The following FGD4 variants were observed in gnomAD, a reference collection of about 807,000 sequenced individuals.
The protein encoded by FGD4 is FYVE, RhoGEF and PH domain-containing protein 4.
In FGD4, 42 loss-of-function variants were observed where a neutral mutation model predicts 102.0. The observed-to-expected ratio is 0.41, with a 90% CI of 0.32 to 0.53. FGD4 has a LOEUF of 0.53. Among genes scored for constraint, FGD4 ranks in the 20% least tolerant of loss-of-function variants. The pLI, the probability that FGD4 is intolerant of heterozygous loss-of-function variation, is 0.21. For missense variants in FGD4, 902 were observed against 1,078.2 expected (o/e 0.84, Z 2.29); for synonymous variants, 380 against 375.7 (o/e 1.01, Z -0.13).
intron 1 of FGD4, among the ~76,000 whole-genome samples, chr12:32,429,916 G>A (rs578155240): frequency 4.6e-5 from 7 of 151,736 alleles, no homozygotes; most frequent in African/African-American, 1.7e-4. Flanking sequence ...CCTGCATCTT[G>A]TTGAAACGAG....
At chr12:32,598,693 G>T in intron 5 of FGD4, 107 bp downstream of exon 5, 1 of 905,916 alleles carries the variant, frequency 1.1e-6, no homozygotes, top group South Asian at 1.4e-5. Flanking sequence ...CCTGTTTTTG[G>T]CTAGTGAAAG....
intron 15 of FGD4, among the ~76,000 whole-genome samples, chr12:32,635,857 A>G (rs1478956118): frequency 6.6e-6 from 1 of 151,784 alleles, no homozygotes; most frequent in African/African-American, 2.4e-5. Flanking sequence ...TACTAAAAGT[A>G]CAAAAATTAG....
intron 1 of FGD4, among the ~76,000 whole-genome samples, chr12:32,516,577 A>G (rs1160255048): frequency 6.6e-6 from 1 of 152,226 alleles, no homozygotes; most frequent in Non-Finnish European, 1.5e-5. Context: ...TCTGTTGTAA[A>G]TATATATGCT....
At chr12:32,548,824 G>A (rs768943507) in intron 1 of FGD4, among the ~76,000 whole-genome samples, 2 of 152,220 alleles carry the variant, frequency 1.3e-5, no homozygotes, top group African/African-American at 2.4e-5. Flanking sequence ...CTCAAGGCTG[G>A]GAACATACGG....
At chr12:32,535,730 G>T (rs1428980594) in intron 1 of FGD4, among the ~76,000 whole-genome samples, 1 of 152,056 alleles carries the variant, frequency 6.6e-6, no homozygotes, top group Non-Finnish European at 1.5e-5. Context: ...AATAGCTTCT[G>T]TCCATTCTCA....
At chr12:32,571,257 C>G (rs1392571512) in intron 2 of FGD4, among the ~76,000 whole-genome samples, 1 of 152,072 alleles carries the variant, frequency 6.6e-6, no homozygotes, top group Non-Finnish European at 1.5e-5. Context: ...GAGTTTGAGG[C>G]CAACCTGGCC....
intron 2 of FGD4, among the ~76,000 whole-genome samples, chr12:32,566,484 C>T (rs1416415729): frequency 2.0e-5 from 3 of 152,072 alleles, no homozygotes; most frequent in Non-Finnish European, 1.5e-5. Flanking sequence ...CCTATGTGTC[C>T]GCTCACATAG....
chr12:32,494,538 T>C (rs1236066647), intron 1 of FGD4, among the ~76,000 whole-genome samples: 2 of 152,258 alleles, frequency 1.3e-5, no homozygotes, highest in Non-Finnish European at 2.9e-5. Flanking sequence ...TGTGCAGTAA[T>C]ACCTAAACAC....
At chr12:32,452,209 A>T (rs1942798047) in intron 1 of FGD4, among the ~76,000 whole-genome samples, 1 of 152,148 alleles carries the variant, frequency 6.6e-6, no homozygotes. Flanking sequence ...ATTATTTTTC[A>T]GTGATTTGGG....
At chr12:32,520,485 G>C (rs969890158) in intron 1 of FGD4, among the ~76,000 whole-genome samples, 4 of 146,344 alleles carry the variant, frequency 2.7e-5, no homozygotes, top group African/African-American at 7.4e-5. Context: ...GCCCAGGCTG[G>C]AGTGCAGTGG....
Position 32,638,403 on chromosome 12 carries a change from A to G in FGD4, c.2314-252A>G, listed in dbSNP as rs76880530. Among the ~76,000 whole-genome samples, 2,099 of 152,298 alleles carry G rather than the reference A, an allele frequency of 0.014. 34 individuals are homozygous for G. Among genetic ancestry groups the G allele is most frequent in the Non-Finnish European group, 0.015 (1,052 of 68,018 alleles). On this transcript the variant is annotated intron_variant, in intron 15 of 16. Transcript: ENST00000534526. ...GAGGATTAAATGAAATAAGACATGT[A>G]TTGAGCTAAGGAAAGTGCCTACATA...
intron 10 of FGD4, among the ~76,000 whole-genome samples, chr12:32,612,240 A>G (rs1949185513): frequency 6.6e-6 from 1 of 152,206 alleles, no homozygotes. Context: ...GCCGGTGCCC[A>G]TGCTGGTGCC....
At chr12:32,484,044 G>C (rs1308880513) in intron 1 of FGD4, among the ~76,000 whole-genome samples, 1 of 152,112 alleles carries the variant, frequency 6.6e-6, no homozygotes, top group Non-Finnish European at 1.5e-5. Context: ...TCAAGAAAGA[G>C]TTAATTATTT....
intron 1 of FGD4, among the ~76,000 whole-genome samples, chr12:32,528,536 C>T (rs1038342835): frequency 5.9e-5 from 9 of 152,046 alleles, no homozygotes; most frequent in African/African-American, 1.9e-4. Flanking sequence ...ATTACAGGTG[C>T]GCACCACCAC....
At position 32,544,657 on chromosome 12, in the gene FGD4, A is replaced by G. The variant is rs763589343; in HGVS notation, c.167-19480A>G. 2.6e-5 allele frequency among the ~76,000 whole-genome samples: 4 copies of G among 151,452 alleles called. No individual in the cohort carries two copies. Among genetic ancestry groups the G allele is most frequent in the East Asian group, 2.0e-4 (1 of 5,116 alleles). On this transcript the variant is annotated intron_variant, in intron 1 of 16. Transcript: ENST00000534526. The surrounding 1 kb of genome is among the most constrained non-coding windows in gnomAD (Gnocchi z 4.1). ...CTGAGGCTAGAGGACTGCTTGAGCC[A>G]GGAAGTGGAGGTTGCAGTGAGTTGA...
intron 1 of FGD4, among the ~76,000 whole-genome samples, chr12:32,514,629 A>C (rs1162054380): frequency 6.6e-6 from 1 of 152,098 alleles, no homozygotes; most frequent in East Asian, 1.9e-4. Flanking sequence ...CTCCTGCCTC[A>C]GCCTCCTGTG....
chr12:32,491,139 AAAAAAAAAAAAC>A (rs1172122618), intron 1 of FGD4, among the ~76,000 whole-genome samples: 2 of 150,670 alleles, frequency 1.3e-5, no homozygotes, highest in African/African-American at 2.5e-5. Context: ...AGTTAAAAAA[AAAAAAAAAAAAC>A]AAAAAACTAT....
intron 1 of FGD4, among the ~76,000 whole-genome samples, chr12:32,563,648 G>A (rs1484399482): frequency 6.6e-6 from 1 of 152,170 alleles, no homozygotes; most frequent in Non-Finnish European, 1.5e-5. Context: ...GCCAAGGCAG[G>A]CGGCTGGGAG....
intron 1 of FGD4, among the ~76,000 whole-genome samples, chr12:32,435,467 G>A (rs936063902): frequency 1.4e-5 from 2 of 141,592 alleles, no homozygotes; most frequent in African/African-American, 2.7e-5. Context: ...TACATATTCA[G>A]TACTCAATAA....
Sources: gnomAD v4.1 joint callset for allele counts (sites outside exome capture counted in the v4.1 genomes callset) on GRCh38, gnomAD v4.1.1 for gene constraint, Gnocchi (gnomAD v3.1) non-coding constraint, MANE v1.5 for transcripts, NCBI Gene and HGNC (gene_info 2026-07-23, HGNC 2026-07-21) for gene names.